INTS14: variants seen among roughly 807,000 people sequenced by gnomAD.
INTS14 encodes the protein integrator complex subunit 14, also known as UPF0464 protein C15orf44.
A neutral mutation model predicts 56.9 loss-of-function variants in INTS14; 27 were observed. That is an observed-to-expected ratio of 0.47 (90% confidence interval 0.35 to 0.65). The LOEUF (loss-of-function observed/expected upper bound fraction) is 0.65, where lower values mean the gene tolerates loss of function less well. INTS14 is among the 30% of genes least tolerant of loss of function. The pLI is 0.00. For missense variants in INTS14, 517 were observed against 632.2 expected (o/e 0.82, Z 1.95); for synonymous variants, 207 against 236.2 (o/e 0.88, Z 1.13).
At chr15:65,580,992 C>CA in intron 11 of INTS14, among the ~76,000 whole-genome samples, 1 of 152,182 alleles carries the variant, frequency 6.6e-6, no homozygotes, top group Non-Finnish European at 1.5e-5. Context: ...TGGGGTGGCT[C>CA]ACGCTTGTAA....
chr15:65,603,728 G>GC, intron 3 of INTS14, among the ~76,000 whole-genome samples: 1 of 152,160 alleles, frequency 6.6e-6, no homozygotes, highest in Admixed American at 6.5e-5. Context: ...GCCAACCATG[G>GC]CCCACAGGCT....
chr15:65,603,908 T>C (rs889965807), intron 3 of INTS14, among the ~76,000 whole-genome samples: 4 of 152,260 alleles, frequency 2.6e-5, no homozygotes, highest in Admixed American at 2.6e-4. Context: ...ACTCCTGTTG[T>C]AGACTATTAT....
intron 1 of INTS14, among the ~76,000 whole-genome samples, chr15:65,608,531 C>G (rs777948922): frequency 6.6e-6 from 1 of 152,128 alleles, no homozygotes; most frequent in African/African-American, 2.4e-5. Flanking sequence ...GATACACAGA[C>G]CTGCTCATGG....
At chr15:65,610,666 C>T in intron 1 of INTS14, 1 of 1,535,374 alleles carries the variant, frequency 6.5e-7, no homozygotes, top group Non-Finnish European at 8.7e-7. Context: ...AGGATTCTAC[C>T]TGAATTTCTA....
intron 6 of INTS14, among the ~76,000 whole-genome samples, chr15:65,596,887 G>A (rs1475333163): frequency 1.3e-5 from 2 of 152,178 alleles, no homozygotes; most frequent in Non-Finnish European, 2.9e-5. Flanking sequence ...ATTAGGAAGT[G>A]TGCTTCTCTG....
intron 6 of INTS14, among the ~76,000 whole-genome samples, chr15:65,596,079 G>A (rs1276764118): frequency 6.6e-6 from 1 of 152,142 alleles, no homozygotes; most frequent in African/African-American, 2.4e-5. Flanking sequence ...TATAAGGTTA[G>A]GACCCCAGCC....
intron 7 of INTS14, among the ~76,000 whole-genome samples, chr15:65,594,679 G>A (rs539976499): frequency 6.6e-6 from 1 of 151,608 alleles, no homozygotes; most frequent in Non-Finnish European, 1.5e-5. Flanking sequence ...TGGGATTACA[G>A]GTGTGAGCTA....
intron 1 of INTS14, among the ~76,000 whole-genome samples, chr15:65,609,233 G>A (rs1389731004): frequency 2.0e-5 from 3 of 152,116 alleles, no homozygotes; most frequent in Non-Finnish European, 4.4e-5. Context: ...GATTACAGGC[G>A]TGAGCCACCG....
chr15:65,592,641 C>G (rs1034256297), intron 8 of INTS14, among the ~76,000 whole-genome samples: 1 of 152,158 alleles, frequency 6.6e-6, no homozygotes, highest in African/African-American at 2.4e-5. Flanking sequence ...ATGCTGATAC[C>G]TCCCATATAG....
intron 9 of INTS14, chr15:65,586,888 A>C (rs1221488316): frequency 1.3e-5 from 2 of 152,208 alleles, no homozygotes; most frequent in African/African-American, 4.8e-5. Context: ...GCCAGATGGA[A>C]AGGGTCCACT....
Position 65,607,185 on chromosome 15 carries a change from AG to A in INTS14, c.195del (p.Phe66SerfsTer12). 1 of 1,614,256 alleles carries A rather than the reference AG, an allele frequency of 6.2e-7. No homozygotes were observed. Among genetic ancestry groups the A allele is most frequent in the Non-Finnish European group, 8.5e-7 (1 of 1,180,050 alleles). ...VFSSLWELMVPFTRDYNTLQE... is the reference protein window; with the variant it reads ...VFSSLWELMVXFTRDYNTLQE... ...TGTAGGGTATTATAATCTCTCGTGAAGGGGACCATCAACTCCCAAAGTGATG... is the reference window on the plus strand; with the variant it reads ...TGTAGGGTATTATAATCTCTCGTGAAGGGACCATCAACTCCCAAAGTGATG... On this transcript the variant is annotated frameshift_variant, in exon 2 of 12. Transcript: ENST00000313182. LOFTEE classifies it high-confidence loss of function.
chr15:65,599,638 A>C, intron 4 of INTS14, 136 bp downstream of exon 4: 1 of 987,428 alleles, frequency 1.0e-6, no homozygotes, highest in Non-Finnish European at 1.4e-6. Flanking sequence ...TTTTCAAATA[A>C]AATACCAGCC....
intron 1 of INTS14, among the ~76,000 whole-genome samples, chr15:65,608,344 G>A (rs2073729952): frequency 8.0e-6 from 1 of 124,456 alleles, no homozygotes; most frequent in Non-Finnish European, 1.6e-5. Context: ...CAGCCTGGGT[G>A]ACAGACGAAG....
At chr15:65,590,007 A>T (rs2072966715) in intron 9 of INTS14, among the ~76,000 whole-genome samples, 1 of 152,120 alleles carries the variant, frequency 6.6e-6, no homozygotes, top group Non-Finnish European at 1.5e-5. Context: ...ATTTCAACTA[A>T]TAGTACTATC....
At chr15:65,602,103 G>A (rs1479602972) in intron 3 of INTS14, among the ~76,000 whole-genome samples, 3 of 151,962 alleles carry the variant, frequency 2.0e-5, no homozygotes, top group Admixed American at 6.6e-5. Flanking sequence ...AGGGCGTGAT[G>A]GCACACTCCT....
intron 10 of INTS14, among the ~76,000 whole-genome samples, 157 bp downstream of exon 10, chr15:65,584,613 C>T (rs1473675015): frequency 2.6e-5 from 4 of 152,154 alleles, no homozygotes; most frequent in Non-Finnish European, 5.9e-5. Flanking sequence ...ACATGTTTTA[C>T]TGTAGGGCAT....
chr15:65,590,009 A>G (rs747019564), intron 9 of INTS14, among the ~76,000 whole-genome samples: 40 of 152,182 alleles, frequency 2.6e-4, no homozygotes, highest in Non-Finnish European at 5.1e-4. Flanking sequence ...TTCAACTAAT[A>G]GTACTATCTT....
chr15:65,593,564 C>A lies in INTS14; in HGVS notation c.850G>T (p.Glu284Ter), dbSNP rs1465478984. Residue 284 changes from glutamate to a stop codon, truncating the protein, a stop_gained, in exon 8 of 12, where the codon GAG becomes TAG. Transcript: ENST00000313182. LOFTEE classifies it high-confidence loss of function. The part of the protein sequence containing the change: ...LPIALNKEGD[E>*]VGTGITDDNE... ...TCATCAGTGATGCCAGTACCCACCT[C>A]ATCACCTTCTGTGAAAAAAAGAGAA... The A allele has an allele frequency of 1.9e-6, 3 of 1,608,436 alleles. No homozygotes were observed. The highest frequency in any genetic ancestry group is 1.7e-5 in the Admixed American group (1 of 58,540).
chr15:65,586,051 T>C (rs1190504484), intron 9 of INTS14, among the ~76,000 whole-genome samples: 1 of 151,674 alleles, frequency 6.6e-6, no homozygotes, highest in Non-Finnish European at 1.5e-5. Context: ...CCTCACTGCC[T>C]AGAATGCTCT....
Sources: allele counts gnomAD v4.1 joint callset (sites outside exome capture counted in the v4.1 genomes callset), GRCh38; gene constraint gnomAD v4.1.1; transcripts MANE v1.5; gene names NCBI Gene and HGNC (gene_info 2026-07-23, HGNC 2026-07-21).